Variants in CFH observed in about 807,000 individuals in gnomAD.
The protein encoded by CFH is H factor 1 (complement).
CFH carries 53 observed loss-of-function variants against 147.3 expected under a neutral mutation model. The ratio of observed to expected loss-of-function variants is 0.36; its 90% CI spans 0.29 to 0.45. The LOEUF is 0.45. CFH is among the 20% of genes least tolerant of loss of function. CFH has a pLI of 1.00. For missense variants in CFH, 1,380 were observed against 1,498.0 expected, an observed-to-expected ratio of 0.92 and a Z score of 1.30; for synonymous variants, 536 against 489.4, an observed-to-expected ratio of 1.10 and a Z score of -1.26.
chr1:196,699,589 T>A (rs1029831750), intron 9 of CFH, among the ~76,000 whole-genome samples: 1 of 152,216 alleles, frequency 6.6e-6, no homozygotes, highest in African/African-American at 2.4e-5. Flanking sequence ...CATCTAAAAT[T>A]TCCTTGCCTA....
intron 1 of CFH, among the ~76,000 whole-genome samples, chr1:196,656,679 G>C (rs572827812): frequency 1.2e-3 from 160 of 136,666 alleles, no homozygotes; most frequent in African/African-American, 4.4e-3. Flanking sequence ...GGTACAATGT[G>C]TGTTGCGTTT....
chr1:196,699,687 AG>A (rs1222892502), intron 9 of CFH, among the ~76,000 whole-genome samples: 3 of 152,192 alleles, frequency 2.0e-5, no homozygotes, highest in Non-Finnish European at 4.4e-5. Context: ...GAATATGTAG[AG>A]GGTTATTATT....
chr1:196,725,742 G>A (rs940651893), intron 12 of CFH, among the ~76,000 whole-genome samples: 47 of 152,164 alleles, frequency 3.1e-4, no homozygotes, highest in African/African-American at 1.1e-3. Context: ...AAGAGAGAGA[G>A]CAGGGCAGTG....
At chr1:196,655,049 T>G (rs967804099) in intron 1 of CFH, among the ~76,000 whole-genome samples, 1 of 152,220 alleles carries the variant, frequency 6.6e-6, no homozygotes, top group Non-Finnish European at 1.5e-5. Context: ...TTAATATTAC[T>G]ATAATTTCAA....
chr1:196,662,508 A>G (rs540490100), intron 1 of CFH, among the ~76,000 whole-genome samples: 3 of 152,152 alleles, frequency 2.0e-5, no homozygotes, highest in East Asian at 1.9e-4. Flanking sequence ...AAGACCTTAT[A>G]TTTAGGATCA....
In CFH at chr1:196,713,722, TC is replaced by T; in HGVS notation, c.1337-12del. The T allele has an allele frequency of 6.6e-7, 1 of 1,520,288 alleles. No individual in the cohort carries two copies. Among genetic ancestry groups the T allele is most frequent in the Non-Finnish European group, 9.1e-7 (1 of 1,098,386 alleles). 94.2% of individuals were successfully genotyped at this position (1,520,288 alleles called of 1,614,324 possible). A position where few individuals can be genotyped will look rare whatever the true frequency, so the allele number is the denominator to read the frequency against. ...TCATATGCTTGTCTTTTTCTTATTCTCTTCCCTTTTAGAAACATGTTCCAAA... is the reference window on the plus strand; with the variant it reads ...TCATATGCTTGTCTTTTTCTTATTCTTTCCCTTTTAGAAACATGTTCCAAA... On this transcript the variant is annotated splice_polypyrimidine_tract_variant and intron_variant, in intron 9 of 21. Coordinates refer to ENST00000367429, the MANE Select transcript of CFH (RefSeq NM_000186.4).
intron 15 of CFH, 57 bp from the exon 16 acceptor site, chr1:196,736,767 A>G: frequency 1.1e-6 from 1 of 889,970 alleles, no homozygotes; most frequent in South Asian, 3.8e-5. Context: ...TCTAATTTTA[A>G]TATTTTTATT....
intron 1 of CFH, among the ~76,000 whole-genome samples, chr1:196,652,989 T>C (rs561237555): frequency 6.6e-6 from 1 of 151,964 alleles, no homozygotes; most frequent in East Asian, 1.9e-4. Context: ...AGATATTTGG[T>C]AAACATTTTT....
At position 196,664,612 on chromosome 1, in the gene CFH, G is replaced by A. The variant is rs949865312; in HGVS notation, c.59-8366G>A. The stretch of plus-strand genomic sequence containing the variant: ...AGCAGCGATTGGATTTGGCCCACAG[G>A]TTAGTTTTCTGGCCCCTGACCTAAT... On this transcript the variant is annotated intron_variant, in intron 1 of 21. Coordinates refer to ENST00000367429, the MANE Select transcript of CFH (RefSeq NM_000186.4). 1.1e-4 allele frequency among the ~76,000 whole-genome samples: 17 copies of A among 152,222 alleles called. No homozygotes were observed. The East Asian group carries it at 3.1e-3, about 28-fold the overall frequency.
Position 196,737,641 on chromosome 1 carries a change from T to C in CFH, c.2763T>C (p.Ser921=), listed in dbSNP as rs1212658402. Residue 921 remains serine (S), a synonymous_variant, in exon 17 of 22, where the codon AGT becomes AGC. Coordinates refer to ENST00000367429, the MANE Select transcript of CFH (RefSeq NM_000186.4). ...NETTCYMGKW[S]SPPQCEGLPC... ...CAACATGCTACATGGGAAAATGGAGTTCTCCACCTCAGTGTGAAGGTTAGG... is the reference window on the plus strand; with the variant it reads ...CAACATGCTACATGGGAAAATGGAGCTCTCCACCTCAGTGTGAAGGTTAGG... 4.3e-6 allele frequency: 7 copies of C among 1,613,282 alleles called. No individual in the cohort carries two copies. The East Asian group carries it at 1.6e-4, about 36-fold the overall frequency.
At chr1:196,693,361 C>T (rs996247371) in intron 9 of CFH, among the ~76,000 whole-genome samples, 1 of 152,000 alleles carries the variant, frequency 6.6e-6, no homozygotes, top group Non-Finnish European at 1.5e-5. Context: ...ATTACTAGTG[C>T]CATCTGAATG....
At chr1:196,727,010 A>G (rs932901942) in intron 14 of CFH, 70 bp downstream of exon 14, 2 of 1,446,414 alleles carry the variant, frequency 1.4e-6, no homozygotes, top group Non-Finnish European at 1.9e-6. Context: ...AATAATTGCA[A>G]CTATATTTTT....
chr1:196,734,436 T>G (rs1462817788), intron 15 of CFH, among the ~76,000 whole-genome samples: 1 of 152,072 alleles, frequency 6.6e-6, no homozygotes, highest in Non-Finnish European at 1.5e-5. Context: ...TATCGTTAAG[T>G]GCTCCTACAC....
In CFH at chr1:196,733,166, C is replaced by T. The variant is rs574563231; in HGVS notation, c.2414-3658C>T. On this transcript the variant is annotated intron_variant, in intron 15 of 21. Coordinates refer to ENST00000367429, the MANE Select transcript of CFH (RefSeq NM_000186.4). ...TCATTGGGGCGAGACTCATGAAGTG[C>T]CAAACTTTGGCTTTGGCTGCGGGAA... Among the ~76,000 whole-genome samples the T allele has an allele frequency of 5.9e-5, 9 of 152,082 alleles. No individual in the cohort carries two copies. In the South Asian group the frequency reaches 1.9e-3, roughly 32 times the overall value.
At position 196,718,750 on chromosome 1, in the gene CFH, A is replaced by ATT. The variant is rs199787287; in HGVS notation, c.1696+2981_1696+2982insTT. On this transcript the variant is annotated intron_variant, in intron 11 of 21. Coordinates refer to ENST00000367429, the MANE Select transcript of CFH (RefSeq NM_000186.4). ...ATCACCAGACATGAAATGAAAACCT[A>ATT]AAGGAGAGAAAGTTGGAGTGGCGGA... 6.9e-3 allele frequency among the ~76,000 whole-genome samples: 1,050 copies of ATT among 152,222 alleles called. 9 individuals carry two copies. The highest frequency in any genetic ancestry group is 0.024 in the African/African-American group (977 of 41,570).
At chr1:196,744,498 C>T (rs1006627948) in intron 20 of CFH, among the ~76,000 whole-genome samples, 2 of 151,870 alleles carry the variant, frequency 1.3e-5, no homozygotes, top group Non-Finnish European at 2.9e-5. Flanking sequence ...AGCTTTTCTC[C>T]TCCTTTTAAA....
chr1:196,671,954 C>T (rs1667296994), intron 1 of CFH, among the ~76,000 whole-genome samples: 1 of 151,346 alleles, frequency 6.6e-6, no homozygotes, highest in Non-Finnish European at 1.5e-5. Flanking sequence ...GACATCTGCT[C>T]TTAAATATCA....
intron 1 of CFH, among the ~76,000 whole-genome samples, chr1:196,654,538 T>A (rs1432115258): frequency 6.6e-6 from 1 of 152,198 alleles, no homozygotes; most frequent in East Asian, 1.9e-4. Flanking sequence ...TCGTACCACC[T>A]AATTTCACCT....
At chr1:196,715,386 GA>G (rs907052700) in intron 10 of CFH, among the ~76,000 whole-genome samples, 18 of 151,618 alleles carry the variant, frequency 1.2e-4, no homozygotes, top group African/African-American at 3.1e-4. Context: ...CTTAAGCAAT[GA>G]AAAAAAATGT....
Sources: allele counts gnomAD v4.1 joint callset (sites outside exome capture counted in the v4.1 genomes callset), GRCh38; gene constraint gnomAD v4.1.1; transcripts MANE v1.5; gene names NCBI Gene and HGNC (gene_info 2026-07-23, HGNC 2026-07-21).